NBEA: variants seen among roughly 807,000 people sequenced by gnomAD.
NBEA encodes neurobeachin.
A neutral mutation model predicts 343.4 loss-of-function variants in NBEA; 44 were observed. The ratio of observed to expected loss-of-function variants is 0.13; its 90% CI spans 0.10 to 0.16. The LOEUF (loss-of-function observed/expected upper bound fraction) is 0.16. NBEA is among the 10% of genes least tolerant of loss of function. The pLI is 1.00. For synonymous variants in NBEA, 1,175 were observed against 1,238.7 expected, an observed-to-expected ratio of 0.95 and a Z score of 1.08; for missense variants, 2,555 against 3,631.3, an observed-to-expected ratio of 0.70 and a Z score of 7.62.
chr13:35,264,836 A>G (rs1020934416), intron 34 of NBEA, among the ~76,000 whole-genome samples: 3 of 151,900 alleles, frequency 2.0e-5, no homozygotes, highest in African/African-American at 7.2e-5. Flanking sequence ...GAGAGAGAAC[A>G]AGTAAACTCA....
At position 35,595,493 on chromosome 13, in the gene NBEA, A is replaced by G. The variant is rs569080374; in HGVS notation, c.7296+2046A>G. On this transcript the variant is annotated intron_variant, in intron 47 of 58. Transcript: ENST00000379939. ...ACATCTTAGATATCTTGCCATGTAG[A>G]CTTCCCCTTTCTTTTTAAAGGCAGC... 4.6e-5 allele frequency among the ~76,000 whole-genome samples: 7 copies of G among 152,066 alleles called. No individual in the cohort carries two copies. The East Asian group carries it at 1.4e-3, about 29-fold the overall frequency.
chr13:35,088,179 T>C (rs552551737), intron 10 of NBEA, among the ~76,000 whole-genome samples: 259 of 151,988 alleles, frequency 1.7e-3, no homozygotes, highest in African/African-American at 6.1e-3. Flanking sequence ...AGCAAGCTGC[T>C]ATGAGATTAA....
At chr13:34,973,468 A>T (rs943155975) in intron 1 of NBEA, among the ~76,000 whole-genome samples, 1 of 152,160 alleles carries the variant, frequency 6.6e-6, no homozygotes, top group Non-Finnish European at 1.5e-5. Context: ...GAAGTTTTCA[A>T]ATCTTTGTTG....
At chr13:35,492,216 G>A (rs1335256995) in intron 41 of NBEA, among the ~76,000 whole-genome samples, 1 of 151,898 alleles carries the variant, frequency 6.6e-6, no homozygotes, top group Non-Finnish European at 1.5e-5. Context: ...AAGGGAATGA[G>A]GGATAAAAGA....
intron 10 of NBEA, among the ~76,000 whole-genome samples, chr13:35,085,894 A>C (rs1381970187): frequency 6.6e-6 from 1 of 152,192 alleles, no homozygotes; most frequent in Non-Finnish European, 1.5e-5. Flanking sequence ...GTCTCAGGAT[A>C]CAAAATCAAT....
chr13:35,173,907 A>G (rs1352371862), intron 27 of NBEA, among the ~76,000 whole-genome samples: 1 of 152,184 alleles, frequency 6.6e-6, no homozygotes, highest in Non-Finnish European at 1.5e-5. Flanking sequence ...ATGTATGAAT[A>G]ATTCTCCTTT....
At chr13:35,308,488 G>GTA (rs1380889685) in intron 35 of NBEA, among the ~76,000 whole-genome samples, 68 of 103,314 alleles carry the variant, frequency 6.6e-4, no homozygotes, top group African/African-American at 2.0e-3. Context: ...ATATATATGT[G>GTA]TATATATATG....
intron 17 of NBEA, among the ~76,000 whole-genome samples, chr13:35,133,342 AG>A (rs1361144931): frequency 6.6e-6 from 1 of 152,170 alleles, no homozygotes; most frequent in Non-Finnish European, 1.5e-5. Flanking sequence ...AACTGTTGAC[AG>A]TATCAAGTGT....
chr13:35,665,153 G>A lies in NBEA; in HGVS notation c.8431G>A (p.Ala2811Thr). ...TGAAGTTGTCTGTGTTTCTGTCTGT[G>A]CAGAACTTGGGCTTGTTATCAGTGG... ...DHEVVCVSVC[A>T]ELGLVISGAK... The change falls in exon 56 of 59, where the codon GCA becomes ACA. Residue 2811 changes from alanine (A) to threonine (T), a missense_variant. By Grantham distance (58) the Ala-to-Thr change is moderately conservative. Around this residue, in one of 21 missense-constraint regions of NBEA, gnomAD observed 186 missense variants for 328.9 expected, o/e 0.57. Transcript: ENST00000379939. 6.3e-7 allele frequency: 1 copy of A among 1,591,928 alleles called. No individual in the cohort carries two copies. The highest frequency in any genetic ancestry group is 8.6e-7 in the Non-Finnish European group (1 of 1,167,342).
intron 48 of NBEA, among the ~76,000 whole-genome samples, chr13:35,624,267 A>T (rs1181142355): frequency 6.6e-6 from 1 of 152,168 alleles, no homozygotes; most frequent in Non-Finnish European, 1.5e-5. Flanking sequence ...AATCAGTATC[A>T]TTGTTCTACA....
rs9805398 is a variant in NBEA at position 35,168,440 on chromosome 13, A to G, written c.4234-547A>G. ...TTCTAGCATGGAAAAGTGGTTTATA[A>G]GTTATAATCTCTCAAATATTTTGTT... On this transcript the variant is annotated intron_variant, in intron 24 of 58. Transcript: ENST00000379939. Among the ~76,000 whole-genome samples, 1,050 of 151,716 alleles carry G rather than the reference A, an allele frequency of 6.9e-3. 12 individuals carry two copies. Among genetic ancestry groups the G allele is most frequent in the African/African-American group, 0.024 (1,009 of 41,534 alleles).
chr13:35,032,760 T>G (rs1423891633), intron 1 of NBEA, among the ~76,000 whole-genome samples: 2 of 151,840 alleles, frequency 1.3e-5, no homozygotes, highest in African/African-American at 4.8e-5. Flanking sequence ...TGATCAGTGA[T>G]GTTGAGTATC....
chr13:35,634,218 C>T (rs1317380331), intron 49 of NBEA, among the ~76,000 whole-genome samples: 4 of 152,092 alleles, frequency 2.6e-5, no homozygotes, highest in African/African-American at 9.7e-5. Flanking sequence ...TGGCGGGCAC[C>T]TGTAGTCCCA....
chr13:35,149,941 C>T (rs2068671553), intron 18 of NBEA, among the ~76,000 whole-genome samples: 3 of 152,064 alleles, frequency 2.0e-5, no homozygotes, highest in African/African-American at 4.8e-5. Flanking sequence ...CGTTTTTACC[C>T]ACCACCTATA....
intron 7 of NBEA, among the ~76,000 whole-genome samples, chr13:35,057,675 A>C (rs1294536705): frequency 6.6e-6 from 1 of 152,106 alleles, no homozygotes; most frequent in East Asian, 1.9e-4. Flanking sequence ...AGATCTCTCC[A>C]GAGTCTTTTT....
intron 46 of NBEA, among the ~76,000 whole-genome samples, chr13:35,585,609 T>C (rs1236493822): frequency 1.3e-5 from 2 of 152,028 alleles, no homozygotes; most frequent in Non-Finnish European, 2.9e-5. Flanking sequence ...GCTTCTCTCT[T>C]CTTTGCAAAC....
chr13:35,075,797 T>C (rs935083812), intron 10 of NBEA, among the ~76,000 whole-genome samples: 1 of 152,066 alleles, frequency 6.6e-6, no homozygotes, highest in Non-Finnish European at 1.5e-5. Context: ...ATTAGCACTA[T>C]TGTAATACAT....
intron 36 of NBEA, among the ~76,000 whole-genome samples, chr13:35,319,822 A>G (rs2038010295): frequency 6.6e-6 from 1 of 151,974 alleles, no homozygotes; most frequent in South Asian, 2.1e-4. Context: ...TTCTTGTTGC[A>G]TTGATCCCTT....
At chr13:35,313,222 T>TA (rs1165127510) in intron 36 of NBEA, among the ~76,000 whole-genome samples, 2 of 152,198 alleles carry the variant, frequency 1.3e-5, no homozygotes. Flanking sequence ...ATATAGTTGT[T>TA]ACACTCCCAT....
Sources: gnomAD v4.1 joint callset for allele counts (sites outside exome capture counted in the v4.1 genomes callset) on GRCh38, gnomAD v4.1.1 for gene constraint, gnomAD v4.1.1 regional missense constraint, MANE v1.5 for transcripts, NCBI Gene and HGNC (gene_info 2026-07-23, HGNC 2026-07-21) for gene names.